THSD7B: variants seen among roughly 807,000 people sequenced by gnomAD.
THSD7B encodes the protein thrombospondin type-1 domain-containing protein 7B.
A neutral mutation model predicts 213.6 loss-of-function variants in THSD7B; 138 were observed. The ratio of observed to expected loss-of-function variants is 0.65; its 90% CI spans 0.56 to 0.74. THSD7B has a LOEUF of 0.74. Among genes scored for constraint, THSD7B ranks in the 30% least tolerant of loss-of-function variants. THSD7B has a pLI of 0.00. For missense variants in THSD7B, 1,931 were observed against 1,991.5 expected (o/e 0.97, Z 0.58); for synonymous variants, 742 against 687.0 (o/e 1.08, Z -1.25).
intron 20 of THSD7B, among the ~76,000 whole-genome samples, chr2:137,631,381 GTTA>G (rs1213509693): frequency 6.6e-6 from 1 of 151,702 alleles, no homozygotes; most frequent in African/African-American, 2.4e-5. Flanking sequence ...CTCTAAGAAT[GTTA>G]TTAAATCCAG....
At chr2:136,929,649 G>A (rs533514027) in intron 2 of THSD7B, among the ~76,000 whole-genome samples, 63 of 152,258 alleles carry the variant, frequency 4.1e-4, no homozygotes, top group African/African-American at 1.5e-3. Flanking sequence ...CTTGATGTAA[G>A]GCTAAACTAG....
intron 15 of THSD7B, among the ~76,000 whole-genome samples, chr2:137,560,796 A>G (rs1681098749): frequency 1.3e-5 from 2 of 152,102 alleles, no homozygotes; most frequent in South Asian, 2.1e-4. Flanking sequence ...CTCCCCTAGC[A>G]GCCCACCATG....
intron 7 of THSD7B, among the ~76,000 whole-genome samples, chr2:137,192,197 G>A (rs1421485259): frequency 6.6e-6 from 1 of 152,024 alleles, no homozygotes; most frequent in Non-Finnish European, 1.5e-5. Context: ...TTAATCGTGG[G>A]TATACATAAA....
intron 5 of THSD7B, among the ~76,000 whole-genome samples, chr2:137,157,657 C>G (rs1043056416): frequency 1.3e-5 from 2 of 151,988 alleles, no homozygotes; most frequent in South Asian, 2.1e-4. Context: ...AAACTCAGAC[C>G]CAGATGCCTA....
intron 1 of THSD7B, among the ~76,000 whole-genome samples, chr2:136,844,484 G>GAGAGAGAGAGAGAC (rs1470105512): frequency 6.7e-6 from 1 of 149,650 alleles, no homozygotes; most frequent in Non-Finnish European, 1.5e-5. Flanking sequence ...GAGAGAGAGA[G>GAGAGAGAGAGAGAC]AGAGAGAGAG....
At chr2:137,411,311 G>A (rs1056638113) in intron 13 of THSD7B, among the ~76,000 whole-genome samples, 1 of 152,190 alleles carries the variant, frequency 6.6e-6, no homozygotes, top group Non-Finnish European at 1.5e-5. Context: ...CAAACTTACA[G>A]AGAAAATGTT....
chr2:136,892,896 A>G (rs1307145422), intron 2 of THSD7B, among the ~76,000 whole-genome samples: 1 of 152,146 alleles, frequency 6.6e-6, no homozygotes, highest in Non-Finnish European at 1.5e-5. Context: ...TACATTGCAA[A>G]GCCGCTTAGA....
At chr2:137,257,950 T>C (rs900345172) in intron 10 of THSD7B, among the ~76,000 whole-genome samples, 10 of 152,176 alleles carry the variant, frequency 6.6e-5, no homozygotes, top group Non-Finnish European at 1.3e-4. Flanking sequence ...TCCATTTTCT[T>C]ACCTGCAAAA....
At chr2:136,918,483 C>T (rs1408767411) in intron 2 of THSD7B, among the ~76,000 whole-genome samples, 4 of 152,170 alleles carry the variant, frequency 2.6e-5, no homozygotes, top group African/African-American at 9.7e-5. Context: ...AGACCTGCTC[C>T]CTGAGCCTGT....
chr2:137,318,545 G>A (rs112191755), intron 12 of THSD7B, among the ~76,000 whole-genome samples: 13 of 151,988 alleles, frequency 8.6e-5, no homozygotes, highest in African/African-American at 2.9e-4. Flanking sequence ...TCCAAAAAAA[G>A]CAGGGCACTG....
At chr2:137,626,188 C>T (rs556800623) in intron 20 of THSD7B, among the ~76,000 whole-genome samples, 1 of 152,100 alleles carries the variant, frequency 6.6e-6, no homozygotes, top group Non-Finnish European at 1.5e-5. Flanking sequence ...GGGGGCCAGG[C>T]GCGGTGGCTC....
chr2:136,971,944 T>C (rs1231425170), intron 2 of THSD7B, among the ~76,000 whole-genome samples: 1 of 152,142 alleles, frequency 6.6e-6, no homozygotes, highest in Non-Finnish European at 1.5e-5. Context: ...GATAGCAAGA[T>C]AGTTGCAGAA....
intron 10 of THSD7B, among the ~76,000 whole-genome samples, chr2:137,255,191 A>G (rs10514637): frequency 0.034 from 5,106 of 152,260 alleles, 92 homozygotes; most frequent in East Asian, 0.052. Flanking sequence ...TAATCAAAGC[A>G]GAGGGAGATC....
chr2:137,510,210 C>G (rs1679931068), intron 15 of THSD7B, among the ~76,000 whole-genome samples: 1 of 152,034 alleles, frequency 6.6e-6, no homozygotes, highest in Non-Finnish European at 1.5e-5. Flanking sequence ...TTCTTTCTAT[C>G]TTCGATGAAT....
intron 10 of THSD7B, among the ~76,000 whole-genome samples, chr2:137,264,588 A>T (rs2105086343): frequency 6.6e-6 from 1 of 152,228 alleles, no homozygotes; most frequent in East Asian, 1.9e-4. Context: ...TTTTTTTCCA[A>T]GTCCAAGTTG....
At chr2:137,275,896 C>G in intron 11 of THSD7B, 27 bp from the exon 12 acceptor site, 1 of 1,563,526 alleles carries the variant, frequency 6.4e-7, no homozygotes, top group East Asian at 2.2e-5. Flanking sequence ...AGTAAAGTTT[C>G]TAGTCCATCG....
intron 1 of THSD7B, among the ~76,000 whole-genome samples, chr2:136,766,585 G>C (rs1573628763): frequency 6.6e-6 from 1 of 152,190 alleles, no homozygotes; most frequent in East Asian, 1.9e-4. Context: ...ATGTTGAGGA[G>C]GGGGCGTTAA....
chr2:137,539,510 C>T (rs927805279), intron 15 of THSD7B, among the ~76,000 whole-genome samples: 1 of 151,648 alleles, frequency 6.6e-6, no homozygotes, highest in Non-Finnish European at 1.5e-5. Flanking sequence ...TTTTTCTAGT[C>T]ATATGGTGTA....
chr2:137,578,788 C>A (rs1273777515), intron 17 of THSD7B, among the ~76,000 whole-genome samples: 1 of 151,998 alleles, frequency 6.6e-6, no homozygotes, highest in African/African-American at 2.4e-5. Flanking sequence ...TTCTTTTTTA[C>A]AAGGTAACAT....
Sources: gnomAD v4.1 joint callset for allele counts (sites outside exome capture counted in the v4.1 genomes callset) on GRCh38, gnomAD v4.1.1 for gene constraint, MANE v1.5 for transcripts, NCBI Gene and HGNC (gene_info 2026-07-23, HGNC 2026-07-21) for gene names.